Variants in CNKSR1 observed in about 807,000 individuals in gnomAD.
CNKSR1 encodes CNK homolog protein 1.
A neutral mutation model predicts 95.6 loss-of-function variants in CNKSR1; 88 were observed. The ratio of observed to expected loss-of-function variants is 0.92; its 90% CI spans 0.78 to 1.10. The LOEUF is 1.10. Ranked by LOEUF, CNKSR1 falls within the 50% of genes least tolerant of loss-of-function variation. The pLI, the probability that CNKSR1 is intolerant of heterozygous loss-of-function variation, is 0.00. For synonymous variants in CNKSR1, 355 were observed against 369.7 expected, an observed-to-expected ratio of 0.96 and a Z score of 0.46; for missense variants, 836 against 912.0, an observed-to-expected ratio of 0.92 and a Z score of 1.07.
chr1:26,187,487 G>T lies in CNKSR1; in HGVS notation c.1454+5G>T. On this transcript the variant is annotated splice_donor_5th_base_variant and intron_variant, in intron 16 of 20. Transcript: ENST00000361530. ...TACCCTGACAGATCTGAGCATGTGA[G>T]TGCCGCCTCCCTTAGCCCCTACTCT... The T allele has an allele frequency of 6.2e-7, 1 of 1,613,914 alleles. No homozygotes were observed. The highest frequency in any genetic ancestry group is 8.5e-7 in the Non-Finnish European group (1 of 1,179,886).
At chr1:26,178,085 A>T (rs2124505398) in intron 1 of CNKSR1, among the ~76,000 whole-genome samples, 1 of 152,294 alleles carries the variant, frequency 6.6e-6, no homozygotes, top group African/African-American at 2.4e-5. Context: ...AGATGAGATG[A>T]CCCTGGGGGG....
At chr1:26,189,219 C>T (rs2088820243) in intron 20 of CNKSR1, 60 bp from the exon 21 acceptor site, 1 of 1,599,178 alleles carries the variant, frequency 6.3e-7, no homozygotes, top group Non-Finnish European at 8.6e-7. Context: ...GAAGTCTGGC[C>T]TCGGGCTCTG....
chr1:26,182,237 G>A, intron 4 of CNKSR1, 124 bp from the exon 5 acceptor site: 1 of 1,007,482 alleles, frequency 9.9e-7, no homozygotes, highest in East Asian at 2.4e-5. Flanking sequence ...GTGGTTCTGG[G>A]CAGGGGGCCA....
intron 9 of CNKSR1, 97 bp from the exon 10 acceptor site, chr1:26,183,968 ACCCCCC>A (rs772640646): frequency 1.9e-6 from 1 of 514,318 alleles, no homozygotes; most frequent in South Asian, 1.7e-5. Flanking sequence ...CTCCCTTCAG[ACCCCCC>A]CACAGGTACC....
intron 14 of CNKSR1, chr1:26,186,887 G>C: frequency 2.4e-6 from 1 of 422,154 alleles, no homozygotes; most frequent in Non-Finnish European, 4.4e-6. Context: ...ACAGGCATGA[G>C]CCACCATGCC....
At chr1:26,183,099 A>G (rs988966776) in intron 6 of CNKSR1, 98 bp from the exon 7 acceptor site, 2 of 1,236,794 alleles carry the variant, frequency 1.6e-6, no homozygotes. Context: ...CTCTTGCCAC[A>G]GTTCCACCCA....
At position 26,189,549 on chromosome 1, in the gene CNKSR1, C is replaced by A; in HGVS notation, c.*1C>A. On this transcript the variant is annotated 3_prime_UTR_variant, in exon 21 of 21. Transcript: ENST00000361530. ...CAGCCTCCGACCTCCTGACCTCTGA[C>A]CCTGGCCAGCACTCTAGCTCCTGAC... 7.0e-7 allele frequency: 1 copy of A among 1,422,732 alleles called. No homozygotes were observed. Among genetic ancestry groups the A allele is most frequent in the Non-Finnish European group, 9.9e-7 (1 of 1,005,384 alleles). 88.1% of individuals were successfully genotyped at this position (1,422,732 alleles called of 1,614,324 possible). A position where few individuals can be genotyped will look rare whatever the true frequency, so the allele number is the denominator to read the frequency against.
chr1:26,180,151 G>A, intron 1 of CNKSR1: 2 of 462,178 alleles, frequency 4.3e-6, no homozygotes, highest in Admixed American at 3.6e-5. Context: ...AAGACTGCTG[G>A]GCCCCAACCT....
In CNKSR1 at chr1:26,189,431, C is replaced by T. The variant is rs375057480; in HGVS notation, c.2025C>T (p.His675=). 13 of 1,614,138 alleles carry T rather than the reference C, an allele frequency of 8.1e-6. No homozygotes were observed. Among genetic ancestry groups the T allele is most frequent in the Middle Eastern group, 1.6e-4 (1 of 6,062 alleles). ...TGGCACAGGCTGAAGGCAGCTCCCA[C>T]ATCTTGACCTCTGACTCCACAGAAC... ...WGVAQAEGSS[H]ILTSDSTEQS... is the part of the protein sequence containing the mutation. Residue 675 remains histidine (H), a synonymous_variant, in exon 21 of 21, where the codon CAC becomes CAT. Transcript: ENST00000361530.
At chr1:26,177,656 G>C in intron 1 of CNKSR1, 57 bp downstream of exon 1, 1 of 1,593,080 alleles carries the variant, frequency 6.3e-7, no homozygotes, top group Non-Finnish European at 8.6e-7. Flanking sequence ...GTGTCCCACC[G>C]GGAAGCGGGA....
rs2088674721 is a variant in CNKSR1, at chr1:26,183,135, G to A, written c.625-62G>A. On this transcript the variant is annotated intron_variant, in intron 6 of 20. Transcript: ENST00000361530. ...CCATAGAGTCCTGGTGTCTGGCGGG[G>A]GTCCTGCCTATTGGCCCTGTTGCCC... 2.6e-6 allele frequency: 4 copies of A among 1,511,984 alleles called. No homozygotes were observed. The South Asian group carries it at 4.5e-5, about 17-fold the overall frequency. The allele number at this position is 1,511,984 out of a possible 1,614,324, so 93.7% of individuals were successfully genotyped here.
intron 4 of CNKSR1, 42 bp from the exon 5 acceptor site, chr1:26,182,319 C>T (rs749278209): frequency 6.2e-7 from 1 of 1,606,478 alleles, no homozygotes; most frequent in African/African-American, 1.3e-5. Flanking sequence ...CCCTTATGGC[C>T]CTTGCTCAGG....
chr1:26,189,255 C>T, intron 20 of CNKSR1, 24 bp from the exon 21 acceptor site: 2 of 1,613,640 alleles, frequency 1.2e-6, no homozygotes, highest in Non-Finnish European at 1.7e-6. Context: ...GATCATGGTC[C>T]CTTAGCCCCT....
chr1:26,187,218 T>G lies in CNKSR1; in HGVS notation c.1359T>G (p.Ser453Arg), dbSNP rs1369578096. 3.1e-6 allele frequency: 5 copies of G among 1,613,864 alleles called. No individual in the cohort carries two copies. The highest frequency in any genetic ancestry group is 4.2e-6 in the Non-Finnish European group (5 of 1,179,890). Reference protein sequence around the residue: ...LINVSNYSLESGHDQKKKYVF... With the variant: ...LINVSNYSLERGHDQKKKYVF... ...ATGTCTCCAACTATAGTCTGGAAAG[T>G]GGACATGATCAGAAGAAGAAATAGT... Residue 453 changes from serine to arginine, a missense_variant, in exon 15 of 21, where the codon AGT becomes AGG. Coordinates refer to ENST00000361530, the MANE Select transcript of CNKSR1 (RefSeq NM_006314.3).
chr1:26,187,453 C>T lies in CNKSR1; in HGVS notation c.1425C>T (p.Phe475=), dbSNP rs1045143516. The change falls in exon 16 of 21, where the codon TTC becomes TTT. Residue 475 remains phenylalanine (F), a synonymous_variant. Coordinates refer to ENST00000361530, the MANE Select transcript of CNKSR1 (RefSeq NM_006314.3). The part of the protein sequence containing the change: ...LTHDVYKPFI[F]AADTLTDLSM... ...ATGATGTGTACAAACCCTTCATCTTCGCTGCTGATACCCTGACAGATCTGA... is the reference window on the plus strand; with the variant it reads ...ATGATGTGTACAAACCCTTCATCTTTGCTGCTGATACCCTGACAGATCTGA... 5.6e-6 allele frequency: 9 copies of T among 1,613,884 alleles called. No individual in the cohort carries two copies. The highest frequency in any genetic ancestry group is 5.0e-5 in the Admixed American group (3 of 59,986).
Position 26,184,409 on chromosome 1 carries a change from TC to T in CNKSR1, c.1012del (p.Gly339AlafsTer19), listed in dbSNP as rs2088707395. 3 of 1,612,824 alleles carry T rather than the reference TC, an allele frequency of 1.9e-6. No individual in the cohort carries two copies. Among genetic ancestry groups the T allele is most frequent in the Non-Finnish European group, 2.5e-6 (3 of 1,179,368 alleles). On this transcript the variant is annotated frameshift_variant, in exon 12 of 21. Coordinates refer to ENST00000361530, the MANE Select transcript of CNKSR1 (RefSeq NM_006314.3). LOFTEE classifies it high-confidence loss of function. Reference sequence around the variant, plus strand: ...TCCTCCCTCCCTGACAGACTCTGCCTCCCTTGGCCCTGAGCCCCTGCCCATC... The same window carrying T: ...TCCTCCCTCCCTGACAGACTCTGCCTCCTTGGCCCTGAGCCCCTGCCCATC... ...GPSPAWTDSA[S>X]LGPEPLPIPP...
At chr1:26,177,750 TG>T (rs1354761907) in intron 1 of CNKSR1, 151 bp downstream of exon 1, 1 of 836,160 alleles carries the variant, frequency 1.2e-6, no homozygotes, top group Non-Finnish European at 1.9e-6. Flanking sequence ...CCAAGGTGGG[TG>T]GGTCACCTGA....
Position 26,188,886 on chromosome 1 carries a change from G to C in CNKSR1, c.1805G>C (p.Arg602Pro). Residue 602 changes from arginine (R) to proline (P), a missense_variant, in exon 20 of 21, where the codon CGG becomes CCG. Physicochemically the swap from Arg to Pro is moderately radical, Grantham distance 103 (BLOSUM62 -2). Coordinates refer to ENST00000361530, the MANE Select transcript of CNKSR1 (RefSeq NM_006314.3). ...TQEQWRSSFM[R>P]RNRDPQLNER... ...GAACAGTGGCGGAGCTCTTTCATGCGGCGCAACCGAGACCCTCAGCTCAAT... is the reference window on the plus strand; with the variant it reads ...GAACAGTGGCGGAGCTCTTTCATGCCGCGCAACCGAGACCCTCAGCTCAAT... The C allele has an allele frequency of 1.2e-6, 2 of 1,613,736 alleles. No individual in the cohort carries two copies. Among genetic ancestry groups the C allele is most frequent in the East Asian group, 2.2e-5 (1 of 44,866 alleles).
intron 14 of CNKSR1, among the ~76,000 whole-genome samples, chr1:26,185,874 T>C (rs2088741817): frequency 6.6e-6 from 1 of 152,232 alleles, no homozygotes. Flanking sequence ...ATCCTTCTGA[T>C]ATTCTGTCCA....
Sources: allele counts gnomAD v4.1 joint callset (sites outside exome capture counted in the v4.1 genomes callset), GRCh38; gene constraint gnomAD v4.1.1; transcripts MANE v1.5; gene names NCBI Gene and HGNC (gene_info 2026-07-23, HGNC 2026-07-21).